TCEA1: variants seen among roughly 807,000 people sequenced by gnomAD.
The protein encoded by TCEA1 is transcription elongation factor A1, also known as transcription elongation factor A protein 1.
In TCEA1, 21 loss-of-function variants were observed where a neutral mutation model predicts 43.8. The ratio of observed to expected loss-of-function variants is 0.48; its 90% CI spans 0.34 to 0.69. The LOEUF (loss-of-function observed/expected upper bound fraction) is 0.69. Among genes scored for constraint, TCEA1 ranks in the 30% least tolerant of loss-of-function variants. TCEA1 has a pLI of 0.01. For synonymous variants in TCEA1, 104 were observed against 117.5 expected, an observed-to-expected ratio of 0.88 and a Z score of 0.75; for missense variants, 250 against 365.1, an observed-to-expected ratio of 0.68 and a Z score of 2.57.
chr8:54,012,656 TAC>T (rs1362234974), intron 1 of TCEA1, among the ~76,000 whole-genome samples: 1 of 152,206 alleles, frequency 6.6e-6, no homozygotes, highest in African/African-American at 2.4e-5. Flanking sequence ...ATGATGTATA[TAC>T]CAAATTATCT....
intron 3 of TCEA1, chr8:53,999,537 A>G (rs1804185562): frequency 6.1e-6 from 1 of 164,676 alleles, no homozygotes; most frequent in South Asian, 2.0e-4. Flanking sequence ...AGAGAAAGAA[A>G]AAGAGAGAAT....
intron 3 of TCEA1, among the ~76,000 whole-genome samples, chr8:53,999,085 G>A (rs921415453): frequency 2.6e-5 from 4 of 151,864 alleles, no homozygotes; most frequent in Non-Finnish European, 5.9e-5. Context: ...AAAATTAGCT[G>A]GGCGTGGTGG....
intron 8 of TCEA1, chr8:53,971,110 T>G (rs751779898): frequency 6.6e-6 from 1 of 152,248 alleles, no homozygotes; most frequent in Non-Finnish European, 1.5e-5. Flanking sequence ...GATGAAATAT[T>G]ACACAGCCAG....
chr8:53,992,038 G>A (rs1366118413), intron 4 of TCEA1, among the ~76,000 whole-genome samples: 4 of 152,108 alleles, frequency 2.6e-5, no homozygotes, highest in Non-Finnish European at 4.4e-5. Context: ...CGGGCTGGGT[G>A]CAGTGGCTTA....
At chr8:54,021,882 G>C (rs1805047204) in intron 1 of TCEA1, 181 bp downstream of exon 1, 1 of 451,918 alleles carries the variant, frequency 2.2e-6, no homozygotes, top group African/African-American at 2.1e-5. Flanking sequence ...CCTAACGCAG[G>C]TTGCCGCGGG....
At chr8:54,010,628 T>C (rs1804622319) in intron 1 of TCEA1, 136 bp from the exon 2 acceptor site, 2 of 606,566 alleles carry the variant, frequency 3.3e-6, no homozygotes, top group South Asian at 4.5e-5. Context: ...GCACCACCTA[T>C]AGCTTACAGC....
intron 1 of TCEA1, among the ~76,000 whole-genome samples, chr8:54,013,983 T>C (rs942831523): frequency 1.3e-5 from 2 of 152,214 alleles, no homozygotes; most frequent in Non-Finnish European, 2.9e-5. Context: ...ATGTCAAATG[T>C]ACCAAGCTCT....
chr8:54,022,300 G>GGCT lies in TCEA1; in HGVS notation c.-178_-176dup. ...CCGCGGCGGCGGCGGCGGCGGCGGC[G>GGCT]GCTCCGGCTCCTCCTCCCCAGGCAG... is the stretch of plus-strand genomic sequence containing the variant. On this transcript the variant is annotated 5_prime_UTR_variant, in exon 1 of 10. Transcript: ENST00000521604. 1.4e-6 allele frequency: 1 copy of GGCT among 733,720 alleles called. No individual in the cohort carries two copies. The allele number at this position is 733,720 out of a possible 1,614,324, so 45.5% of individuals were successfully genotyped here.
chr8:53,989,333 T>C (rs911604223), intron 4 of TCEA1, among the ~76,000 whole-genome samples: 1 of 152,218 alleles, frequency 6.6e-6, no homozygotes, highest in African/African-American at 2.4e-5. Context: ...ATGATTACAA[T>C]TAAGCTTTAT....
intron 2 of TCEA1, among the ~76,000 whole-genome samples, chr8:54,006,266 G>A (rs1021152787): frequency 1.3e-5 from 2 of 152,178 alleles, no homozygotes; most frequent in Admixed American, 6.5e-5. Context: ...TCAATGAGGA[G>A]GGAAAGGCCT....
intron 4 of TCEA1, among the ~76,000 whole-genome samples, chr8:53,991,296 G>A (rs932453381): frequency 6.6e-6 from 1 of 152,060 alleles, no homozygotes; most frequent in Non-Finnish European, 1.5e-5. Context: ...GGGAGGCTGA[G>A]ACAGGAGAAT....
intron 8 of TCEA1, chr8:53,973,834 A>G: frequency 2.6e-6 from 1 of 378,798 alleles, no homozygotes; most frequent in Non-Finnish European, 5.1e-6. Context: ...CTTGAGGAGA[A>G]AGCCTGGCAA....
intron 6 of TCEA1, among the ~76,000 whole-genome samples, chr8:53,985,839 A>G (rs1410712591): frequency 1.3e-5 from 2 of 152,226 alleles, no homozygotes; most frequent in African/African-American, 4.8e-5. Flanking sequence ...AAGTCTTCAC[A>G]TTTATATGTG....
chr8:53,973,887 A>C, intron 8 of TCEA1: 1 of 318,622 alleles, frequency 3.1e-6, no homozygotes, highest in South Asian at 3.2e-5. Flanking sequence ...AATAAAGAAA[A>C]AAGAGGGCCA....
At chr8:54,012,538 G>A (rs558727609) in intron 1 of TCEA1, among the ~76,000 whole-genome samples, 94 of 152,236 alleles carry the variant, frequency 6.2e-4, no homozygotes, top group African/African-American at 2.1e-3. Flanking sequence ...CAGCCTGGGC[G>A]ACAGAGCGAG....
intron 3 of TCEA1, 66 bp downstream of exon 3, chr8:53,999,879 T>C (rs1804198896): frequency 9.0e-7 from 1 of 1,109,742 alleles, no homozygotes; most frequent in African/African-American, 1.6e-5. Flanking sequence ...AACCATAAAA[T>C]GTAACCATTA....
rs1586012738 is a variant in TCEA1 at position 53,993,517 on chromosome 8, A to AAT, written c.320+149_320+150dup. ...GTTCAAGAAATCTGAAAAAAAAATAAATTAGAATACATGGCTACATACATT... is the reference window on the plus strand; with the variant it reads ...GTTCAAGAAATCTGAAAAAAAAATAAATATTAGAATACATGGCTACATACATT... On this transcript the variant is annotated intron_variant, in intron 4 of 9. Transcript: ENST00000521604. 7 of 549,490 alleles carry AAT rather than the reference A, an allele frequency of 1.3e-5. No homozygotes were observed. In the East Asian group the frequency reaches 2.1e-4, roughly 17 times the overall value. 34.0% of individuals were successfully genotyped at this position (549,490 alleles called of 1,614,324 possible).
intron 1 of TCEA1, among the ~76,000 whole-genome samples, chr8:54,015,166 G>A (rs1210681787): frequency 6.8e-6 from 1 of 147,284 alleles, no homozygotes; most frequent in Non-Finnish European, 1.5e-5. Context: ...AAAGAATTAA[G>A]ATATTATCCA....
chr8:53,990,931 C>A (rs762812145), intron 4 of TCEA1, among the ~76,000 whole-genome samples: 1 of 152,246 alleles, frequency 6.6e-6, no homozygotes, highest in Non-Finnish European at 1.5e-5. Context: ...TCTTTCTTTA[C>A]ATGACTCCTC....
Sources: gnomAD v4.1 joint callset for allele counts (sites outside exome capture counted in the v4.1 genomes callset) on GRCh38, gnomAD v4.1.1 for gene constraint, MANE v1.5 for transcripts, NCBI Gene and HGNC (gene_info 2026-07-23, HGNC 2026-07-21) for gene names.